The following PCBP3 variants were observed in gnomAD, a reference collection of about 807,000 sequenced individuals.
The protein encoded by PCBP3 is poly(rC)-binding protein 3.
In PCBP3, 25 loss-of-function variants were observed where a neutral mutation model predicts 52.7. The observed-to-expected ratio is 0.47, with a 90% CI of 0.35 to 0.66. The LOEUF (loss-of-function observed/expected upper bound fraction) is 0.66, where lower values mean the gene tolerates loss of function less well. PCBP3 is among the 30% of genes least tolerant of loss of function. PCBP3 has a pLI of 0.01. For synonymous variants in PCBP3, 162 were observed against 183.0 expected (o/e 0.89, Z 0.93); for missense variants, 391 against 490.3 (o/e 0.80, Z 1.91).
chr21:45,900,849 T>G (rs1408958262), intron 8 of PCBP3, 148 bp from the exon 9 acceptor site: 2 of 716,152 alleles, frequency 2.8e-6, no homozygotes, highest in Non-Finnish European at 5.1e-6. Flanking sequence ...TAAAGGAGAT[T>G]GTTGAGAAGC....
chr21:45,840,329 C>T (rs1003210717), intron 4 of PCBP3, among the ~76,000 whole-genome samples: 13 of 151,342 alleles, frequency 8.6e-5, no homozygotes, highest in African/African-American at 2.7e-4. Context: ...TGGTGGCGGG[C>T]GCCTGTAGTC....
intron 1 of PCBP3, among the ~76,000 whole-genome samples, chr21:45,662,276 T>TTG (rs2080452279): frequency 3.6e-5 from 1 of 27,708 alleles, no homozygotes; most frequent in African/African-American, 1.0e-4. Flanking sequence ...CCTAAGTTTT[T>TTG]TTTTTTTTTT....
At chr21:45,688,434 A>C (rs2082276993) in intron 2 of PCBP3, among the ~76,000 whole-genome samples, 1 of 152,196 alleles carries the variant, frequency 6.6e-6, no homozygotes, top group Non-Finnish European at 1.5e-5. Context: ...AATTATTTCC[A>C]AATATAAAAA....
At chr21:45,722,849 A>T (rs1256892327) in intron 2 of PCBP3, among the ~76,000 whole-genome samples, 23 of 149,980 alleles carry the variant, frequency 1.5e-4, no homozygotes, top group East Asian at 5.8e-4. Flanking sequence ...TGAAAATATT[A>T]AAAAAAAACA....
chr21:45,670,149 C>A (rs770435404), intron 2 of PCBP3, among the ~76,000 whole-genome samples: 7 of 152,040 alleles, frequency 4.6e-5, no homozygotes, highest in Non-Finnish European at 1.0e-4. Context: ...AATAGCTATT[C>A]TAATGGGTAT....
Position 45,827,676 on chromosome 21 carries a change from C to T in PCBP3, c.-125-22285C>T, listed in dbSNP as rs2093343703. ...GTGATGTATGCAGTTTTATGTACAT[C>T]AGTTACATCTCAGCCAAGCTGTTAA... On this transcript the variant is annotated intron_variant, in intron 4 of 17. Coordinates refer to ENST00000681687, the MANE Select transcript of PCBP3 (RefSeq NM_001384156.1). The surrounding 1 kb of genome is among the most constrained non-coding windows in gnomAD (Gnocchi z 4.3). Among the ~76,000 whole-genome samples, 1 of 152,212 alleles carries T rather than the reference C, an allele frequency of 6.6e-6. No homozygotes were observed. The highest frequency in any genetic ancestry group is 2.4e-5 in the African/African-American group (1 of 41,456).
rs2096150117 is a variant in PCBP3 at position 45,904,540 on chromosome 21, G to A, written c.339+3427G>A. 6.6e-6 allele frequency among the ~76,000 whole-genome samples: 1 copy of A among 152,212 alleles called. No homozygotes were observed. Among genetic ancestry groups the A allele is most frequent in the African/African-American group, 2.4e-5 (1 of 41,442 alleles). On this transcript the variant is annotated intron_variant, in intron 9 of 17. Transcript: ENST00000681687. This position sits in a 1 kb window ranked among gnomAD's most constrained non-coding sequence, Gnocchi z 4.8. Reference sequence around the variant, plus strand: ...TTCTTGAGTAAGGGGTAACTACTCAGAGAGTTCTGTTATAATGGTTTGTGT... The same window carrying A: ...TTCTTGAGTAAGGGGTAACTACTCAAAGAGTTCTGTTATAATGGTTTGTGT...
intron 4 of PCBP3, among the ~76,000 whole-genome samples, chr21:45,831,422 A>T (rs1459432298): frequency 6.6e-6 from 1 of 151,972 alleles, no homozygotes; most frequent in African/African-American, 2.4e-5. Context: ...AAAAAAAAAA[A>T]AAAAAAAATC....
Position 45,805,350 on chromosome 21 carries a change from G to A in PCBP3, c.-125-44611G>A, listed in dbSNP as rs1419173547. Reference sequence around the variant, plus strand: ...GAAAGTAATTGGAAGATTATGGGTGGGTGTGACTGGTAACAAGCAGGGGTT... The same window carrying A: ...GAAAGTAATTGGAAGATTATGGGTGAGTGTGACTGGTAACAAGCAGGGGTT... On this transcript the variant is annotated intron_variant, in intron 4 of 17. Coordinates refer to ENST00000681687, the MANE Select transcript of PCBP3 (RefSeq NM_001384156.1). The surrounding 1 kb of genome is among the most constrained non-coding windows in gnomAD (Gnocchi z 4.6). 6.6e-6 allele frequency among the ~76,000 whole-genome samples: 1 copy of A among 152,064 alleles called. No homozygotes were observed. The highest frequency in any genetic ancestry group is 1.5e-5 in the Non-Finnish European group (1 of 68,014).
chr21:45,788,103 T>C lies in PCBP3; in HGVS notation c.-126+32651T>C, dbSNP rs2091284443. Among the ~76,000 whole-genome samples the C allele has an allele frequency of 6.6e-6, 1 of 152,150 alleles. No individual in the cohort carries two copies. Among genetic ancestry groups the C allele is most frequent in the Non-Finnish European group, 1.5e-5 (1 of 68,032 alleles). ...CTGGTGTCTCCTTACTGGGACATGC[T>C]GTGACCTGTAGAATCGTGTCTGACC... On this transcript the variant is annotated intron_variant, in intron 4 of 17. Coordinates refer to ENST00000681687, the MANE Select transcript of PCBP3 (RefSeq NM_001384156.1). The surrounding 1 kb of genome is among the most constrained non-coding windows in gnomAD (Gnocchi z 4.3).
At chr21:45,718,127 T>TAGA (rs2084351837) in intron 2 of PCBP3, among the ~76,000 whole-genome samples, 1 of 152,048 alleles carries the variant, frequency 6.6e-6, no homozygotes, top group African/African-American at 2.4e-5. Flanking sequence ...AGTATTTTCT[T>TAGA]ATAATCCTTT....
chr21:45,798,806 G>C (rs908141261), intron 4 of PCBP3, among the ~76,000 whole-genome samples: 3 of 151,364 alleles, frequency 2.0e-5, no homozygotes, highest in Non-Finnish European at 2.9e-5. Context: ...GAGTGAATGC[G>C]TACATGGATG....
intron 4 of PCBP3, among the ~76,000 whole-genome samples, chr21:45,813,734 A>C (rs1480027790): frequency 2.0e-5 from 3 of 152,202 alleles, no homozygotes; most frequent in East Asian, 3.8e-4. Flanking sequence ...GTGAGCCACC[A>C]CACCCAGCCT....
chr21:45,710,914 A>G (rs2083791835), intron 2 of PCBP3, among the ~76,000 whole-genome samples: 1 of 152,100 alleles, frequency 6.6e-6, no homozygotes. Flanking sequence ...TTTTCTCTCA[A>G]ATTGCTCCAG....
chr21:45,861,634 C>T (rs541642316), intron 5 of PCBP3, among the ~76,000 whole-genome samples: 21 of 152,306 alleles, frequency 1.4e-4, no homozygotes, highest in Admixed American at 1.1e-3. Context: ...TCCCTGACCC[C>T]TCCGTGTTCA....
intron 14 of PCBP3, 98 bp downstream of exon 14, chr21:45,930,093 G>A (rs2075980328): frequency 1.5e-6 from 1 of 670,114 alleles, no homozygotes; most frequent in African/African-American, 1.9e-5. Context: ...AACAGGTGCA[G>A]TTGGATTTGT....
chr21:45,858,482 T>A (rs2094391145), intron 5 of PCBP3: 1 of 152,230 alleles, frequency 6.6e-6, no homozygotes, highest in South Asian at 2.1e-4. Context: ...GGACACTGCC[T>A]TAGGGTACAG....
At chr21:45,658,551 G>A (rs761635982) in intron 1 of PCBP3, among the ~76,000 whole-genome samples, 1 of 152,148 alleles carries the variant, frequency 6.6e-6, no homozygotes, top group Non-Finnish European at 1.5e-5. Flanking sequence ...TGCTCTGCCT[G>A]CCCTGGCATC....
At chr21:45,932,058 C>A (rs1436592556) in intron 15 of PCBP3, among the ~76,000 whole-genome samples, 1 of 151,994 alleles carries the variant, frequency 6.6e-6, no homozygotes, top group Non-Finnish European at 1.5e-5. Context: ...TCATGCTGTC[C>A]TGAGATGAAT....
Sources: allele counts gnomAD v4.1 joint callset (sites outside exome capture counted in the v4.1 genomes callset), GRCh38; gene constraint gnomAD v4.1.1; non-coding constraint Gnocchi (gnomAD v3.1); transcripts MANE v1.5; gene names NCBI Gene and HGNC (gene_info 2026-07-23, HGNC 2026-07-21).